Variants in APLF observed in about 807,000 individuals in gnomAD.
APLF encodes aprataxin and PNKP like factor.
In APLF, 61 loss-of-function variants were observed where a neutral mutation model predicts 55.6. That is an observed-to-expected ratio of 1.10 (90% CI 0.89 to 1.36). The LOEUF (loss-of-function observed/expected upper bound fraction) is 1.36. APLF is among the 40% of genes most tolerant of loss of function. The pLI, the probability that APLF is intolerant of heterozygous loss-of-function variation, is 0.00. For missense variants in APLF, 611 were observed against 602.5 expected, an observed-to-expected ratio of 1.01 and a Z score of -0.15; for synonymous variants, 207 against 214.8, an observed-to-expected ratio of 0.96 and a Z score of 0.32.
At chr2:68,513,314 T>C (rs1669459391) in intron 4 of APLF, 87 bp downstream of exon 4, 1 of 1,422,464 alleles carries the variant, frequency 7.0e-7, no homozygotes, top group African/African-American at 1.4e-5. Context: ...AGGCCTATTA[T>C]GACAATATTG....
At chr2:68,517,069 T>C (rs1320570909) in intron 5 of APLF, among the ~76,000 whole-genome samples, 1 of 123,998 alleles carries the variant, frequency 8.1e-6, no homozygotes, top group Non-Finnish European at 1.6e-5. Context: ...ATATAACATG[T>C]TAATATATAA....
intron 8 of APLF, among the ~76,000 whole-genome samples, chr2:68,559,453 G>A (rs900839203): frequency 6.6e-6 from 1 of 152,060 alleles, no homozygotes; most frequent in African/African-American, 2.4e-5. Context: ...TGTGTAATAG[G>A]TAGATCAAAT....
intron 2 of APLF, among the ~76,000 whole-genome samples, chr2:68,493,968 C>T (rs972019571): frequency 1.2e-4 from 18 of 152,014 alleles, no homozygotes; most frequent in African/African-American, 3.6e-4. Context: ...ATTATCCAGG[C>T]GTGGTGGCGG....
At chr2:68,528,060 C>G (rs1387777329) in intron 6 of APLF, among the ~76,000 whole-genome samples, 1 of 151,294 alleles carries the variant, frequency 6.6e-6, no homozygotes, top group South Asian at 2.1e-4. Flanking sequence ...CCAGACAGTG[C>G]GGTGGCCAAG....
intron 1 of APLF, among the ~76,000 whole-genome samples, chr2:68,471,331 G>C (rs1271470977): frequency 9.9e-5 from 15 of 152,174 alleles, no homozygotes; most frequent in Admixed American, 9.8e-4. Context: ...TTTGTTGATT[G>C]ATAATTCGCT....
rs763028292 is a variant in APLF at position 68,513,166 on chromosome 2, C to T, written c.428C>T (p.Ala143Val). 8 of 1,611,366 alleles carry T rather than the reference C, an allele frequency of 5.0e-6. No homozygotes were observed. Among genetic ancestry groups the T allele is most frequent in the Non-Finnish European group, 6.8e-6 (8 of 1,178,426 alleles). Reference sequence around the variant, plus strand: ...AATTTACCTCATGAGACTACTGGTGCCTCACAACTGGAAGGAAGCACAGAA... The same window carrying T: ...AATTTACCTCATGAGACTACTGGTGTCTCACAACTGGAAGGAAGCACAGAA... ...VINLPHETTG[A>V]SQLEGSTEIA... Residue 143 changes from alanine (A) to valine (V), a missense_variant, in exon 4 of 10, where the codon GCC becomes GTC. Coordinates refer to ENST00000303795, the MANE Select transcript of APLF (RefSeq NM_173545.3).
At position 68,525,996 on chromosome 2, in the gene APLF, G is replaced by A. The variant is rs1285638807; in HGVS notation, c.623-65G>A. 1.4e-6 allele frequency: 2 copies of A among 1,434,974 alleles called. No individual in the cohort carries two copies. The highest frequency in any genetic ancestry group is 1.9e-6 in the Non-Finnish European group (2 of 1,070,728). The allele number at this position is 1,434,974 out of a possible 1,614,324, so 88.9% of individuals were successfully genotyped here. A position where few individuals can be genotyped will look rare whatever the true frequency, so the allele number is the denominator to read the frequency against. On this transcript the variant is annotated intron_variant, in intron 5 of 9. Transcript: ENST00000303795. ...AATCCTTTTTCTTTTTTCTTTTTTTGATATGGATTATTGACATTTGAAGAT... is the reference window on the plus strand; with the variant it reads ...AATCCTTTTTCTTTTTTCTTTTTTTAATATGGATTATTGACATTTGAAGAT...
intron 3 of APLF, among the ~76,000 whole-genome samples, chr2:68,504,627 A>G (rs1353404770): frequency 6.8e-6 from 1 of 147,952 alleles, no homozygotes; most frequent in Non-Finnish European, 1.5e-5. Context: ...CTTTTTTCCT[A>G]CAAAAAACCT....
intron 5 of APLF, among the ~76,000 whole-genome samples, chr2:68,517,570 A>G (rs1009519515): frequency 6.9e-6 from 1 of 143,886 alleles, no homozygotes; most frequent in Non-Finnish European, 1.5e-5. Context: ...ACATATAACA[A>G]TATATCACTA....
rs1215791116 is a variant in APLF at position 68,519,137 on chromosome 2, T to A, written c.622+5457T>A. 3.0e-5 allele frequency among the ~76,000 whole-genome samples: 4 copies of A among 134,994 alleles called. No individual in the cohort carries two copies. In the Admixed American group the frequency reaches 3.2e-4, roughly 11 times the overall value. 88.6% of individuals were successfully genotyped at this position (134,994 alleles called of 152,430 possible). On this transcript the variant is annotated intron_variant, in intron 5 of 9. Transcript: ENST00000303795. ...AATATATAAAACATATAATTTGACA[T>A]TTTATATATATATAAAGACTTGACC... is the stretch of plus-strand genomic sequence containing the variant.
In APLF at chr2:68,572,743, G is replaced by A. The variant is rs541865237; in HGVS notation, c.1334-5077G>A. Among the ~76,000 whole-genome samples, 10 of 152,292 alleles carry A rather than the reference G, an allele frequency of 6.6e-5. No homozygotes were observed. The South Asian group carries it at 1.9e-3, about 28-fold the overall frequency. On this transcript the variant is annotated intron_variant, in intron 9 of 9. Transcript: ENST00000303795. ...GTTCCCAGCTACTTGGGAGACTGAG[G>A]TGGGAGTATCACTTGAGCCCAGGAT...
intron 1 of APLF, among the ~76,000 whole-genome samples, chr2:68,482,933 C>T (rs576028233): frequency 6.6e-6 from 1 of 151,642 alleles, no homozygotes; most frequent in Admixed American, 6.6e-5. Context: ...GAGGTGTAGG[C>T]ATGTGGTGTT....
At chr2:68,545,335 T>C in intron 8 of APLF, 23 bp downstream of exon 8, 1 of 1,598,162 alleles carries the variant, frequency 6.3e-7, no homozygotes, top group African/African-American at 1.3e-5. Flanking sequence ...AATGTTTGGC[T>C]GCACTCCTTT....
intron 7 of APLF, among the ~76,000 whole-genome samples, chr2:68,541,370 A>T (rs1670543288): frequency 6.6e-6 from 1 of 152,156 alleles, no homozygotes; most frequent in South Asian, 2.1e-4. Context: ...CACAAAGTAG[A>T]TGAGGATATT....
intron 9 of APLF, among the ~76,000 whole-genome samples, chr2:68,571,015 G>A (rs1671444990): frequency 6.6e-6 from 1 of 152,130 alleles, no homozygotes; most frequent in Non-Finnish European, 1.5e-5. Flanking sequence ...GTATCTCATT[G>A]TGGTTTTGAT....
chr2:68,515,619 C>T, intron 5 of APLF: 1 of 984,974 alleles, frequency 1.0e-6, no homozygotes, highest in Non-Finnish European at 1.2e-6. Flanking sequence ...CGTTTTTGGG[C>T]ACTTCTCTTT....
At chr2:68,530,512 G>T (rs1360775514) in intron 6 of APLF, among the ~76,000 whole-genome samples, 1 of 152,060 alleles carries the variant, frequency 6.6e-6, no homozygotes, top group Non-Finnish European at 1.5e-5. Context: ...GATCAGCTTT[G>T]GTCTGTCCTA....
intron 8 of APLF, among the ~76,000 whole-genome samples, chr2:68,553,333 G>A (rs1484752815): frequency 1.3e-5 from 2 of 151,940 alleles, no homozygotes; most frequent in African/African-American, 2.4e-5. Context: ...GATCATTATT[G>A]AGCAAAAAAC....
At chr2:68,468,870 G>C (rs776951357) in intron 1 of APLF, among the ~76,000 whole-genome samples, 1 of 152,104 alleles carries the variant, frequency 6.6e-6, no homozygotes, top group Non-Finnish European at 1.5e-5. Context: ...AGTGTGTACT[G>C]TTGTCCTGGT....
Sources: gnomAD v4.1 joint callset for allele counts (sites outside exome capture counted in the v4.1 genomes callset) on GRCh38, gnomAD v4.1.1 for gene constraint, MANE v1.5 for transcripts, NCBI Gene and HGNC (gene_info 2026-07-23, HGNC 2026-07-21) for gene names.